The following SLC27A1 variants were observed in gnomAD, a reference collection of about 807,000 sequenced individuals.
SLC27A1 encodes solute carrier family 27 member 1.
Under a neutral mutation model 62.2 loss-of-function variants are expected in SLC27A1, and 61 were observed. The observed-to-expected ratio is 0.98, with a 90% CI of 0.80 to 1.21. SLC27A1 has a LOEUF of 1.21. Among genes scored for constraint, SLC27A1 ranks in the 50% most tolerant of loss-of-function variants. The probability of loss-of-function intolerance (pLI) is 0.00; values close to 1 mark genes in which losing one functional copy is unlikely to be tolerated. For synonymous variants in SLC27A1, 435 were observed against 408.6 expected, an observed-to-expected ratio of 1.06 and a Z score of -0.78; for missense variants, 903 against 932.1, an observed-to-expected ratio of 0.97 and a Z score of 0.41.
At chr19:17,482,895 TAGATGCTAGAGATGCAC>T (rs897308886) in intron 1 of SLC27A1, among the ~76,000 whole-genome samples, 8 of 152,040 alleles carry the variant, frequency 5.3e-5, no homozygotes, top group African/African-American at 9.7e-5. Context: ...AGCAGATGCA[TAGATGCTAGAGATGCAC>T]AGATGCTAGA....
Position 17,486,547 on chromosome 19 carries a change from C to T in SLC27A1, c.168-16C>T, listed in dbSNP as rs1481103388. 6 of 1,560,682 alleles carry T rather than the reference C, an allele frequency of 3.8e-6. No individual in the cohort carries two copies. The highest frequency in any genetic ancestry group is 4.3e-6 in the Non-Finnish European group (5 of 1,159,992). ...CAGGGCACCAGTGACGCTGTCCCCT[C>T]CGTCCTCCCTCCCAGCGGTCTCTCT... On this transcript the variant is annotated splice_polypyrimidine_tract_variant and intron_variant, in intron 1 of 11. Transcript: ENST00000252595. The surrounding 1 kb of genome is among the most constrained non-coding windows in gnomAD (Gnocchi z 6.6).
In SLC27A1 at chr19:17,504,487, C is replaced by T. The variant is rs201661631; in HGVS notation, c.1816C>T (p.Arg606Ter). ...CAAGATCCAGAAGACGAGGCTGCAGCGAGAGGGCTTTGACCCACGCCAGAC... is the reference window on the plus strand; with the variant it reads ...CAAGATCCAGAAGACGAGGCTGCAGTGAGAGGGCTTTGACCCACGCCAGAC... ...TFKIQKTRLQ[R>*]EGFDPRQTSD... is the part of the protein sequence containing the mutation. Residue 606 changes from arginine to a stop codon, truncating the protein, a stop_gained, in exon 12 of 12, where the codon CGA (arginine) becomes TGA (stop). Transcript: ENST00000252595. LOFTEE classifies it low-confidence loss of function (END_TRUNC). The T allele has an allele frequency of 2.5e-6, 4 of 1,614,164 alleles. No homozygotes were observed. Among genetic ancestry groups the T allele is most frequent in the East Asian group, 2.2e-5 (1 of 44,886 alleles).
intron 1 of SLC27A1, among the ~76,000 whole-genome samples, chr19:17,485,480 G>A (rs1053013138): frequency 4.7e-5 from 7 of 149,506 alleles, no homozygotes; most frequent in African/African-American, 7.4e-5. Flanking sequence ...GAGCCACCAC[G>A]CCTGGCCTAA....
chr19:17,493,623 C>G (rs1346663613), intron 6 of SLC27A1, among the ~76,000 whole-genome samples: 2 of 151,116 alleles, frequency 1.3e-5, no homozygotes, highest in Non-Finnish European at 3.0e-5. Context: ...TAATCTAGAA[C>G]CTTACTTTTT....
rs748057042 is a variant in SLC27A1 at position 17,497,307 on chromosome 19, G to C, written c.1049G>C (p.Arg350Pro). 1 of 1,606,386 alleles carries C rather than the reference G, an allele frequency of 6.2e-7. No homozygotes were observed. Among genetic ancestry groups the C allele is most frequent in the South Asian group, 1.1e-5 (1 of 90,076 alleles). Residue 350 changes from arginine to proline, a missense_variant, in exon 7 of 12, where the codon CGC becomes CCC. Transcript: ENST00000252595. ...ICRYLLKQPV[R>P]EAERRHRVRL... ...CGCTACCTGCTGAAGCAGCCGGTGC[G>C]CGAGGCGGAGAGGCGACACCGCGTG...
Position 17,479,261 on chromosome 19 carries a change from AAAAC to A in SLC27A1, c.168-7297_168-7294del. Among the ~76,000 whole-genome samples, 2 of 152,322 alleles carry A rather than the reference AAAAC, an allele frequency of 1.3e-5. 1 individual carries two copies. Among genetic ancestry groups the A allele is most frequent in the Middle Eastern group, 6.8e-3 (2 of 294 alleles). On this transcript the variant is annotated intron_variant, in intron 1 of 11. Coordinates refer to ENST00000252595, the MANE Select transcript of SLC27A1 (RefSeq NM_198580.3). Reference sequence around the variant, plus strand: ...TCTCTACAAAAAAATAAAACAAAACAAAACAAACCCACAAAAATCCCTTTACTGG... The same window carrying A: ...TCTCTACAAAAAAATAAAACAAAACAAAACCCACAAAAATCCCTTTACTGG...
At position 17,499,814 on chromosome 19, in the gene SLC27A1, AAAGG is replaced by A. The variant is rs200232852; in HGVS notation, c.1207-447_1207-444del. 60 of 161,480 alleles carry A rather than the reference AAAGG, an allele frequency of 3.7e-4. No individual in the cohort carries two copies. In the East Asian group the frequency reaches 5.0e-3, roughly 13 times the overall value. The allele number at this position is 161,480 out of a possible 1,614,324, so 10.0% of individuals were successfully genotyped here. A position where few individuals can be genotyped will look rare whatever the true frequency, so the allele number is the denominator to read the frequency against. ...GGCGACAGAGTAAGACTCTATAAAA[AAAGG>A]AAGGAAGGAAGGAAGGGAGGAACGG... On this transcript the variant is annotated intron_variant, in intron 7 of 11. Coordinates refer to ENST00000252595, the MANE Select transcript of SLC27A1 (RefSeq NM_198580.3).
At position 17,487,454 on chromosome 19, in the gene SLC27A1, C is replaced by T; in HGVS notation, c.725-6C>T. ...GCCCCACCCCTAACACCTGTATCTC[C>T]TGCAGATCGTCTTTTCTACATCTAC... On this transcript the variant is annotated splice_region_variant and splice_polypyrimidine_tract_variant and intron_variant, in intron 3 of 11. Coordinates refer to ENST00000252595, the MANE Select transcript of SLC27A1 (RefSeq NM_198580.3). The T allele has an allele frequency of 6.2e-7, 1 of 1,607,372 alleles. No individual in the cohort carries two copies. The highest frequency in any genetic ancestry group is 8.5e-7 in the Non-Finnish European group (1 of 1,178,956).
chr19:17,497,426 A>G lies in SLC27A1; in HGVS notation c.1168A>G (p.Thr390Ala). The G allele has an allele frequency of 6.2e-7, 1 of 1,606,808 alleles. No individual in the cohort carries two copies. Among genetic ancestry groups the G allele is most frequent in the South Asian group, 1.1e-5 (1 of 90,014 alleles). ...CCAAATCGGGGAGTTCTACGGCGCC[A>G]CCGAGTGCAACTGCAGCATTGCCAA... is the stretch of plus-strand genomic sequence containing the variant. ...VRQIGEFYGA[T>A]ECNCSIANMD... Residue 390 changes from threonine (T) to alanine (A), a missense_variant, in exon 7 of 12, where the codon ACC (threonine) becomes GCC (alanine). Physicochemically the swap from Thr to Ala is moderately conservative, Grantham distance 58. Transcript: ENST00000252595.
chr19:17,495,664 G>T (rs1253176469), intron 6 of SLC27A1: 1 of 152,346 alleles, frequency 6.6e-6, no homozygotes, highest in Admixed American at 6.5e-5. Flanking sequence ...GGTGTGGGCT[G>T]TACCACACCT....
At chr19:17,470,513 C>T, upstream of SLC27A1, 2 of 1,512,832 alleles carry the variant, frequency 1.3e-6, no homozygotes, top group Non-Finnish European at 1.8e-6. Context: ...GAGCGGCCCG[C>T]GGCCTCAGCT....
chr19:17,489,074 C>A lies in SLC27A1; in HGVS notation c.953C>A (p.Ser318Ter), dbSNP rs756504761. The A allele has an allele frequency of 6.2e-7, 1 of 1,614,178 alleles. No individual in the cohort carries two copies. The highest frequency in any genetic ancestry group is 8.5e-7 in the Non-Finnish European group (1 of 1,180,022). The change falls in exon 6 of 12, where the codon TCG becomes TAG. Residue 318 changes from serine to a stop codon, truncating the protein, a stop_gained. Coordinates refer to ENST00000252595, the MANE Select transcript of SLC27A1 (RefSeq NM_198580.3). LOFTEE classifies it high-confidence loss of function. Reference sequence around the variant, plus strand: ...ACAGTCGTCCTCCGCAAGAAATTCTCGGCCAGCCGCTTCTGGGACGACTGC... The same window carrying A: ...ACAGTCGTCCTCCGCAAGAAATTCTAGGCCAGCCGCTTCTGGGACGACTGC... Reference protein sequence around the residue: ...GLTVVLRKKFSASRFWDDCIK... With the variant: ...GLTVVLRKKF
chr19:17,502,254 C>T (rs1287289760), intron 11 of SLC27A1, among the ~76,000 whole-genome samples: 10 of 151,624 alleles, frequency 6.6e-5, no homozygotes, highest in Non-Finnish European at 5.9e-5. Context: ...TGGGCTCTCA[C>T]GGGTCCCTTC....
chr19:17,494,840 CATA>C (rs1312739824), intron 6 of SLC27A1, among the ~76,000 whole-genome samples: 2 of 151,500 alleles, frequency 1.3e-5, no homozygotes, highest in Non-Finnish European at 2.9e-5. Context: ...TACTCACCTG[CATA>C]ATAAGAGATT....
intron 1 of SLC27A1, among the ~76,000 whole-genome samples, chr19:17,473,063 G>T (rs1262277433): frequency 1.3e-5 from 2 of 152,142 alleles, no homozygotes; most frequent in Admixed American, 1.3e-4. Flanking sequence ...CTCCCAAGTG[G>T]CTGGGATGAC....
chr19:17,474,962 C>T lies in SLC27A1; in HGVS notation c.167+4255C>T, dbSNP rs148217680. Among the ~76,000 whole-genome samples the T allele has an allele frequency of 6.7e-3, 1,012 of 151,216 alleles. 12 individuals carry two copies. The highest frequency in any genetic ancestry group is 0.023 in the African/African-American group (956 of 41,180). Reference sequence around the variant, plus strand: ...TGAGACGGAGTCTTGCTCTGCCACCCGGGCTGGAGTGCAGTGGTGTGACTC... The same window carrying T: ...TGAGACGGAGTCTTGCTCTGCCACCTGGGCTGGAGTGCAGTGGTGTGACTC... On this transcript the variant is annotated intron_variant, in intron 1 of 11. Coordinates refer to ENST00000252595, the MANE Select transcript of SLC27A1 (RefSeq NM_198580.3).
At chr19:17,488,076 G>C (rs1453676338) in intron 4 of SLC27A1, among the ~76,000 whole-genome samples, 1 of 152,034 alleles carries the variant, frequency 6.6e-6, no homozygotes, top group Non-Finnish European at 1.5e-5. Context: ...ACCCTCTCTC[G>C]GGCTAGGCGT....
Position 17,505,554 on chromosome 19 carries a change from C to T in SLC27A1, c.*942C>T, listed in dbSNP as rs751150875. On this transcript the variant is annotated 3_prime_UTR_variant, in exon 12 of 12. Transcript: ENST00000252595. ...CATTTCCCCAGCCCCACCTTCCCCTCCTGATGCCCTGAAAGCTTCCGGAAT... is the reference window on the plus strand; with the variant it reads ...CATTTCCCCAGCCCCACCTTCCCCTTCTGATGCCCTGAAAGCTTCCGGAAT... The T allele has an allele frequency of 1.3e-5, 2 of 153,134 alleles. No homozygotes were observed. The highest frequency in any genetic ancestry group is 2.9e-5 in the Non-Finnish European group (2 of 68,658). 9.5% of individuals were successfully genotyped at this position (153,134 alleles called of 1,614,324 possible). A position where few individuals can be genotyped will look rare whatever the true frequency, so the allele number is the denominator to read the frequency against.
At chr19:17,477,765 G>A (rs1428731250) in intron 1 of SLC27A1, among the ~76,000 whole-genome samples, 1 of 151,690 alleles carries the variant, frequency 6.6e-6, no homozygotes, top group East Asian at 1.9e-4. Context: ...ATGTTGGGCA[G>A]GCTGGTCTTG....
Sources: allele counts gnomAD v4.1 joint callset (sites outside exome capture counted in the v4.1 genomes callset), GRCh38; gene constraint gnomAD v4.1.1; non-coding constraint Gnocchi (gnomAD v3.1); transcripts MANE v1.5; gene names NCBI Gene and HGNC (gene_info 2026-07-23, HGNC 2026-07-21).